AXIN1: variants seen among roughly 807,000 people sequenced by gnomAD.
AXIN1 encodes the protein axin-1.
Under a neutral mutation model 76.4 loss-of-function variants are expected in AXIN1, and 30 were observed. The ratio of observed to expected loss-of-function variants is 0.39; its 90% confidence interval spans 0.29 to 0.53. The LOEUF (loss-of-function observed/expected upper bound fraction) is 0.53, where lower values mean the gene tolerates loss of function less well. AXIN1 is among the 20% of genes least tolerant of loss of function. AXIN1 has a pLI of 0.66. For missense variants in AXIN1, 1,140 were observed against 1,198.8 expected (o/e 0.95, Z 0.72); for synonymous variants, 545 against 501.4 (o/e 1.09, Z -1.16).
intron 2 of AXIN1, among the ~76,000 whole-genome samples, chr16:331,050 T>C (rs2053680592): frequency 6.6e-6 from 1 of 152,188 alleles, no homozygotes; most frequent in Admixed American, 6.5e-5. Flanking sequence ...GAAGTCTGAA[T>C]ACATCACTTA....
At chr16:340,447 G>A (rs748856125) in intron 2 of AXIN1, among the ~76,000 whole-genome samples, 4 of 152,250 alleles carry the variant, frequency 2.6e-5, no homozygotes, top group East Asian at 3.8e-4. Context: ...TTGACCAAGC[G>A]GACCTGGCAG....
intron 2 of AXIN1, among the ~76,000 whole-genome samples, chr16:339,077 CA>C (rs1052329090): frequency 4.0e-5 from 6 of 148,546 alleles, no homozygotes; most frequent in African/African-American, 7.5e-5. Context: ...CATCCACAAA[CA>C]AAAAAAATTT....
At chr16:292,098 G>A (rs1475506137) in intron 8 of AXIN1, 1 of 128,866 alleles carries the variant, frequency 7.8e-6, no homozygotes, top group Non-Finnish European at 1.6e-5. Context: ...CAACCTGAGA[G>A]ACCCCTGCTC....
intron 1 of AXIN1, among the ~76,000 whole-genome samples, chr16:351,677 C>T (rs540458244): frequency 6.6e-6 from 1 of 152,120 alleles, no homozygotes; most frequent in East Asian, 1.9e-4. Context: ...AAGGCTGAGG[C>T]AGGTGGATCG....
At chr16:307,688 G>A (rs1418247593) in intron 4 of AXIN1, among the ~76,000 whole-genome samples, 1 of 152,218 alleles carries the variant, frequency 6.6e-6, no homozygotes, top group Non-Finnish European at 1.5e-5. Context: ...CTGCTCCTAT[G>A]AGCGTCTAAG....
At chr16:313,058 A>T (rs1034744268) in intron 3 of AXIN1, among the ~76,000 whole-genome samples, 1 of 152,162 alleles carries the variant, frequency 6.6e-6, no homozygotes, top group Admixed American at 6.5e-5. Flanking sequence ...CATGCCCGTA[A>T]TCCCAGCACT....
chr16:339,981 A>AAAACC (rs1415508662), intron 2 of AXIN1, among the ~76,000 whole-genome samples: 2 of 151,704 alleles, frequency 1.3e-5, no homozygotes, highest in Middle Eastern at 3.2e-3. Flanking sequence ...ATGGAAACCC[A>AAAACC]AAACCACTCC....
chr16:320,743 A>ATATATATATATTTTTTTTTTT (rs397722732), intron 2 of AXIN1, among the ~76,000 whole-genome samples: 1 of 107,664 alleles, frequency 9.3e-6, no homozygotes, highest in African/African-American at 4.6e-5. Flanking sequence ...ATATATATAT[A>ATATATATATATTTTTTTTTTT]TTTTTTTTTT....
Position 289,661 on chromosome 16 carries a change from G to T in AXIN1, c.2295-54C>A, listed in dbSNP as rs375548099. 124 of 1,603,696 alleles carry T rather than the reference G, an allele frequency of 7.7e-5. No homozygotes were observed. The African/African-American group carries it at 1.3e-3, about 17-fold the overall frequency. On this transcript the variant is annotated intron_variant, in intron 9 of 10. Transcript: ENST00000262320. ...TGGTTTTGGACTGAGGTCCCACAGG[G>T]TCCCTCCTGCTGGCCTCAGGCTGCC...
Position 297,933 on chromosome 16 carries a change from C to A in AXIN1, c.1573G>T (p.Asp525Tyr), listed in dbSNP as rs1439689981. 6.2e-7 allele frequency: 1 copy of A among 1,600,828 alleles called. No homozygotes were observed. Among genetic ancestry groups the A allele is most frequent in the Non-Finnish European group, 8.5e-7 (1 of 1,173,616 alleles). The change falls in exon 6 of 11, where the codon GAC becomes TAC. Residue 525 changes from aspartate to tyrosine, a missense_variant. This residue lies in a region of AXIN1 where 708 missense variants were observed against 776.9 expected (regional missense o/e 0.91). Coordinates refer to ENST00000262320, the MANE Select transcript of AXIN1 (RefSeq NM_003502.4). ...CGGTGGTGGTGCAGGCCGGCCGCGT[C>A]CAGCTTCGCCCCTGACTTGGGTACG... ...KHVPKSGAKLDAAGLHHHRHV... is the reference protein window; with the variant it reads ...KHVPKSGAKLYAAGLHHHRHV...
intron 5 of AXIN1, among the ~76,000 whole-genome samples, chr16:300,377 T>TG (rs919534714): frequency 3.9e-5 from 6 of 152,092 alleles, no homozygotes; most frequent in African/African-American, 1.4e-4. Flanking sequence ...TCTTTTTTTT[T>TG]TGTAGAGATG....
At position 346,169 on chromosome 16, in the gene AXIN1, T is replaced by C. The variant is rs2054029120; in HGVS notation, c.857A>G (p.Tyr286Cys). 1.2e-6 allele frequency: 2 copies of C among 1,613,804 alleles called. No homozygotes were observed. Among genetic ancestry groups the C allele is most frequent in the African/African-American group, 2.7e-5 (2 of 75,046 alleles). Residue 286 changes from tyrosine to cysteine, a missense_variant, in exon 2 of 11, where the codon TAC becomes TGC. Transcript: ENST00000262320. ...TCACCTGAACTCTCTGCCTTCGCTG[T>C]ACCGTCTACTGGAGGAGACCCTCGG... Reference protein sequence around the residue: ...AAPRVSSSRRYSEGREFRYGS... With the variant: ...AAPRVSSSRRCSEGREFRYGS...
intron 3 of AXIN1, among the ~76,000 whole-genome samples, chr16:310,934 G>A (rs1206361981): frequency 6.6e-6 from 1 of 152,264 alleles, no homozygotes; most frequent in East Asian, 1.9e-4. Flanking sequence ...CGGAAAGATA[G>A]GAGATGCCAA....
At chr16:291,512 T>C in intron 8 of AXIN1, 1 of 606,950 alleles carries the variant, frequency 1.6e-6, no homozygotes, top group South Asian at 1.8e-5. Flanking sequence ...CCCACATTCA[T>C]GATCCCGGCA....
chr16:297,960 G>A lies in AXIN1; in HGVS notation c.1546C>T (p.His516Tyr), dbSNP rs2141512183. 3 of 1,603,022 alleles carry A rather than the reference G, an allele frequency of 1.9e-6. No homozygotes were observed. The highest frequency in any genetic ancestry group is 2.5e-6 in the Non-Finnish European group (3 of 1,177,168). Residue 516 changes from histidine to tyrosine, a missense_variant, in exon 6 of 11, where the codon CAC becomes TAC. By Grantham distance (83) the His-to-Tyr change is moderately conservative. Coordinates refer to ENST00000262320, the MANE Select transcript of AXIN1 (RefSeq NM_003502.4). ...LGGAASGHGKHVPKSGAKLDA... is the reference protein window; with the variant it reads ...LGGAASGHGKYVPKSGAKLDA... Reference sequence around the variant, plus strand: ...AGCTTCGCCCCTGACTTGGGTACGTGCTTCCCGTGCCCCGAGGCGGCACCC... The same window carrying A: ...AGCTTCGCCCCTGACTTGGGTACGTACTTCCCGTGCCCCGAGGCGGCACCC...
intron 2 of AXIN1, among the ~76,000 whole-genome samples, chr16:333,241 A>G (rs1007767527): frequency 6.6e-6 from 1 of 151,986 alleles, no homozygotes; most frequent in Non-Finnish European, 1.5e-5. Flanking sequence ...CTGAGGCAGG[A>G]GAATTGCTTG....
intron 2 of AXIN1, among the ~76,000 whole-genome samples, chr16:317,698 C>T (rs1020808672): frequency 1.3e-5 from 2 of 152,230 alleles, no homozygotes; most frequent in Non-Finnish European, 2.9e-5. Context: ...TAAAATGATA[C>T]CAGCCTGCAG....
At chr16:341,290 G>T (rs1567303758) in intron 2 of AXIN1, among the ~76,000 whole-genome samples, 2 of 152,384 alleles carry the variant, frequency 1.3e-5, no homozygotes, top group South Asian at 2.1e-4. Flanking sequence ...GGGAACCGCG[G>T]CTGCATGCGC....
At position 297,042 on chromosome 16, in the gene AXIN1, T is replaced by A. The variant is rs1344464736; in HGVS notation, c.1955+14A>T. The A allele has an allele frequency of 6.2e-7, 1 of 1,609,188 alleles. No individual in the cohort carries two copies. The highest frequency in any genetic ancestry group is 8.5e-7 in the Non-Finnish European group (1 of 1,179,850). Reference sequence around the variant, plus strand: ...AGCAGGCCCCACGAGGCTGGCTGCGTGCGGGGTGCTCACCCGTGGCCGGTC... The same window carrying A: ...AGCAGGCCCCACGAGGCTGGCTGCGAGCGGGGTGCTCACCCGTGGCCGGTC... On this transcript the variant is annotated intron_variant, in intron 7 of 10. Transcript: ENST00000262320.
Sources: gnomAD v4.1 joint callset for allele counts (sites outside exome capture counted in the v4.1 genomes callset) on GRCh38, gnomAD v4.1.1 for gene constraint, gnomAD v4.1.1 regional missense constraint, MANE v1.5 for transcripts, NCBI Gene and HGNC (gene_info 2026-07-23, HGNC 2026-07-21) for gene names.